The following CNTN1 variants were observed in gnomAD, a reference collection of about 807,000 sequenced individuals.
CNTN1 encodes the protein contactin-1.
Under a neutral mutation model 126.4 loss-of-function variants are expected in CNTN1, and 38 were observed. The ratio of observed to expected loss-of-function variants is 0.30; its 90% confidence interval spans 0.23 to 0.39. CNTN1 has a LOEUF of 0.39. Ranked by LOEUF, CNTN1 falls within the 10% of genes least tolerant of loss-of-function variation. The probability of loss-of-function intolerance (pLI) is 1.00; values close to 1 mark genes in which losing one functional copy is unlikely to be tolerated. For synonymous variants in CNTN1, 413 were observed against 422.6 expected (o/e 0.98, Z 0.28); for missense variants, 1,009 against 1,248.4 (o/e 0.81, Z 2.89).
intron 1 of CNTN1, among the ~76,000 whole-genome samples, chr12:40,739,756 T>C (rs1174334910): frequency 2.6e-5 from 4 of 152,038 alleles, no homozygotes; most frequent in Non-Finnish European, 4.4e-5. Flanking sequence ...GTCCTTGAAA[T>C]ACTATTATAA....
At chr12:40,924,483 A>G (rs1316382189) in intron 5 of CNTN1, 74 bp from the exon 6 acceptor site, 9 of 825,010 alleles carry the variant, frequency 1.1e-5, no homozygotes, top group African/African-American at 1.7e-5. Context: ...ATTTGCTGAA[A>G]GGTAAAATTG....
Position 41,071,872 on chromosome 12 carries a change from A to G in CNTN1, c.*1837A>G, listed in dbSNP as rs955783746. ...TACACTTTGGGGTTTTACTTTTGCA[A>G]TGTGACCCATGTTGGGCATTTTTAT... On this transcript the variant is annotated 3_prime_UTR_variant, in exon 24 of 24. Coordinates refer to ENST00000551295, the MANE Select transcript of CNTN1 (RefSeq NM_001843.4). The G allele has an allele frequency of 2.0e-5, 3 of 152,170 alleles. No individual in the cohort carries two copies. Among genetic ancestry groups the G allele is most frequent in the Non-Finnish European group, 2.9e-5 (2 of 68,012 alleles). The allele number at this position is 152,170 out of a possible 1,614,324, so 9.4% of individuals were successfully genotyped here.
chr12:40,776,373 A>G (rs1270297163), intron 1 of CNTN1, among the ~76,000 whole-genome samples: 1 of 151,692 alleles, frequency 6.6e-6, no homozygotes, highest in Non-Finnish European at 1.5e-5. Flanking sequence ...TTATATATCA[A>G]TAAAGTTACT....
Position 40,918,735 on chromosome 12 carries a change from A to C in CNTN1, c.191A>C (p.Asn64Thr). 2 of 1,613,758 alleles carry C rather than the reference A, an allele frequency of 1.2e-6. No individual in the cohort carries two copies. Among genetic ancestry groups the C allele is most frequent in the Non-Finnish European group, 1.7e-6 (2 of 1,179,728 alleles). The change falls in exon 4 of 24, where the codon AAC (asparagine) becomes ACC (threonine). Residue 64 changes from asparagine to threonine, a missense_variant. Physicochemically the swap from Asn to Thr is moderately conservative, Grantham distance 65. Transcript: ENST00000551295. ...TCACTGGAAGGAAAAGTCTCACTCA[A>C]CTGTAGGGCACGAGCCAGCCCTTTC... ...EESLEGKVSLNCRARASPFPV... is the reference protein window; with the variant it reads ...EESLEGKVSLTCRARASPFPV...
At chr12:41,049,464 A>G (rs1949624053) in intron 23 of CNTN1, among the ~76,000 whole-genome samples, 2 of 152,182 alleles carry the variant, frequency 1.3e-5, no homozygotes, top group Non-Finnish European at 2.9e-5. Flanking sequence ...TCTTTAACAC[A>G]CCACATTCAT....
At chr12:41,025,536 T>C (rs958506699) in intron 21 of CNTN1, among the ~76,000 whole-genome samples, 200 bp downstream of exon 21, 7 of 152,214 alleles carry the variant, frequency 4.6e-5, no homozygotes, top group Non-Finnish European at 8.8e-5. Flanking sequence ...ACACGTTAAA[T>C]ATTCCATTAT....
At chr12:40,801,167 G>A (rs1165031354) in intron 1 of CNTN1, among the ~76,000 whole-genome samples, 1 of 151,866 alleles carries the variant, frequency 6.6e-6, no homozygotes, top group African/African-American at 2.4e-5. Context: ...TCAGCAGCAA[G>A]CATCTCAGTT....
chr12:41,066,730 A>T (rs888825066), intron 23 of CNTN1, among the ~76,000 whole-genome samples: 25 of 152,240 alleles, frequency 1.6e-4, no homozygotes, highest in African/African-American at 5.8e-4. Flanking sequence ...TTTTCTACTT[A>T]TCAGAAAGCC....
chr12:40,942,216 CTGTGTTAATA>C (rs1374255858), intron 12 of CNTN1, among the ~76,000 whole-genome samples: 1 of 151,988 alleles, frequency 6.6e-6, no homozygotes, highest in Non-Finnish European at 1.5e-5. Context: ...AATATTGGTA[CTGTGTTAATA>C]TGTGTCCTCC....
intron 1 of CNTN1, among the ~76,000 whole-genome samples, chr12:40,815,817 A>G (rs1941237022): frequency 6.6e-6 from 1 of 152,192 alleles, no homozygotes; most frequent in African/African-American, 2.4e-5. Flanking sequence ...ATTTTGAGAT[A>G]TGTTCCATTA....
At chr12:40,727,791 AG>A (rs1000864911) in intron 1 of CNTN1, among the ~76,000 whole-genome samples, 3 of 152,226 alleles carry the variant, frequency 2.0e-5, no homozygotes, top group Admixed American at 2.0e-4. Flanking sequence ...TGAATTTGAT[AG>A]GCCTTCCCAG....
At chr12:40,784,283 A>G (rs1939919751) in intron 1 of CNTN1, among the ~76,000 whole-genome samples, 1 of 152,134 alleles carries the variant, frequency 6.6e-6, no homozygotes, top group South Asian at 2.1e-4. Context: ...GTGGTCTGCT[A>G]CTTACTTTTC....
intron 17 of CNTN1, among the ~76,000 whole-genome samples, chr12:41,010,925 T>G (rs1948636338): frequency 6.6e-6 from 1 of 152,200 alleles, no homozygotes; most frequent in African/African-American, 2.4e-5. Flanking sequence ...CATTATTTCT[T>G]TGCCTTCCTT....
At position 40,891,660 on chromosome 12, in the gene CNTN1, G is replaced by T. The variant is rs531244577; in HGVS notation, c.-76-16697G>T. Among the ~76,000 whole-genome samples, 43 of 151,938 alleles carry T rather than the reference G, an allele frequency of 2.8e-4. 1 individual carries two copies. In the South Asian group the frequency reaches 6.5e-3, roughly 23 times the overall value. ...GAAATGACTGTTTCTTAATTAAATT[G>T]CCTTTGTTTCTTTGTCAAAAGTCAG... On this transcript the variant is annotated intron_variant, in intron 1 of 23. Coordinates refer to ENST00000551295, the MANE Select transcript of CNTN1 (RefSeq NM_001843.4).
chr12:40,878,711 C>A (rs1377247118), intron 1 of CNTN1, among the ~76,000 whole-genome samples: 3 of 152,190 alleles, frequency 2.0e-5, no homozygotes, highest in African/African-American at 7.2e-5. Flanking sequence ...AATTCAATAG[C>A]TATCGCCATG....
chr12:40,721,855 T>C (rs1319599792), intron 1 of CNTN1, among the ~76,000 whole-genome samples: 1 of 151,350 alleles, frequency 6.6e-6, no homozygotes, highest in Non-Finnish European at 1.5e-5. Flanking sequence ...TCCAATTTCA[T>C]CCATGTCCCT....
At chr12:40,853,901 C>G (rs572251282) in intron 1 of CNTN1, among the ~76,000 whole-genome samples, 1 of 151,170 alleles carries the variant, frequency 6.6e-6, no homozygotes, top group Admixed American at 6.6e-5. Context: ...TGACCATATG[C>G]CTCAGTAGTG....
chr12:40,802,213 G>A (rs1940684517), intron 1 of CNTN1, among the ~76,000 whole-genome samples: 2 of 151,886 alleles, frequency 1.3e-5, no homozygotes, highest in South Asian at 4.1e-4. Flanking sequence ...CAGAGTTTGA[G>A]TTCATCAGTA....
chr12:41,035,166 G>T (rs1029101514), intron 23 of CNTN1, among the ~76,000 whole-genome samples: 2 of 152,018 alleles, frequency 1.3e-5, no homozygotes, highest in Non-Finnish European at 2.9e-5. Context: ...ATTTTATTTT[G>T]CTCATTTAGT....
Sources: allele counts gnomAD v4.1 joint callset (sites outside exome capture counted in the v4.1 genomes callset), GRCh38; gene constraint gnomAD v4.1.1; transcripts MANE v1.5; gene names NCBI Gene and HGNC (gene_info 2026-07-23, HGNC 2026-07-21).